The following WDR36 variants were observed in gnomAD, a reference collection of about 807,000 sequenced individuals.
The protein encoded by WDR36 is WD repeat-containing protein 36.
WDR36 carries 63 observed loss-of-function variants against 112.7 expected under a neutral mutation model. That is an observed-to-expected ratio of 0.56 (90% CI 0.46 to 0.69). The LOEUF is 0.69. Ranked by LOEUF, WDR36 falls within the 30% of genes least tolerant of loss-of-function variation. The pLI is 0.00. For missense variants in WDR36, 1,226 were observed against 1,070.3 expected (o/e 1.15, Z -2.03); for synonymous variants, 410 against 362.2 (o/e 1.13, Z -1.50).
At chr5:111,101,153 G>A (rs6865932) in intron 5 of WDR36, among the ~76,000 whole-genome samples, 1 of 151,578 alleles carries the variant, frequency 6.6e-6, no homozygotes, top group Non-Finnish European at 1.5e-5. Flanking sequence ...CCCACAGGTA[G>A]TGAGATATAA....
At chr5:111,102,223 G>T in intron 5 of WDR36, 122 bp from the exon 6 acceptor site, 1 of 739,966 alleles carries the variant, frequency 1.4e-6, no homozygotes, top group Non-Finnish European at 2.2e-6. Flanking sequence ...TCAGAATAGT[G>T]TGTGGAAGAG....
At position 111,107,019 on chromosome 5, in the gene WDR36, C is replaced by G. The variant is rs551091592; in HGVS notation, c.1181-275C>G. ...TATTGTAATTTCTTCTGATTAGAAT[C>G]TCTTGTTAGGTATGTTAATTAGCTT... On this transcript the variant is annotated intron_variant, in intron 11 of 22. Coordinates refer to ENST00000513710, the MANE Select transcript of WDR36 (RefSeq NM_139281.3). Among the ~76,000 whole-genome samples, 3 of 151,484 alleles carry G rather than the reference C, an allele frequency of 2.0e-5. No homozygotes were observed. The South Asian group carries it at 6.2e-4, about 31-fold the overall frequency.
intron 19 of WDR36, among the ~76,000 whole-genome samples, chr5:111,122,165 C>T (rs1343256437): frequency 1.3e-5 from 2 of 152,132 alleles, no homozygotes; most frequent in Non-Finnish European, 2.9e-5. Context: ...CTTCATCATG[C>T]TGTCCACACA....
chr5:111,094,206 A>G (rs990539192), intron 1 of WDR36, among the ~76,000 whole-genome samples: 4 of 152,226 alleles, frequency 2.6e-5, no homozygotes, highest in Non-Finnish European at 5.9e-5. Flanking sequence ...TGATGGTAGT[A>G]GCTATCATGT....
intron 5 of WDR36, 53 bp downstream of exon 5, chr5:111,100,774 A>G (rs878989185): frequency 1.3e-6 from 2 of 1,542,342 alleles, no homozygotes; most frequent in South Asian, 1.2e-5. Flanking sequence ...CTCATCTACT[A>G]CTTCCTAATG....
chr5:111,125,201 A>T (rs1753653618), intron 21 of WDR36, among the ~76,000 whole-genome samples: 1 of 152,190 alleles, frequency 6.6e-6, no homozygotes, highest in Non-Finnish European at 1.5e-5. Context: ...TAGAAAAGAA[A>T]AATTATTTTA....
At chr5:111,104,869 G>T in intron 9 of WDR36, 52 bp downstream of exon 9, 1 of 1,607,666 alleles carries the variant, frequency 6.2e-7, no homozygotes. Context: ...TTGAGATGTG[G>T]GTGCCCAGTA....
chr5:111,105,312 C>A lies in WDR36; in HGVS notation c.1045C>A (p.Gln349Lys). The change falls in exon 10 of 23, where the codon CAG becomes AAG. Residue 349 changes from glutamine to lysine, a missense_variant. Coordinates refer to ENST00000513710, the MANE Select transcript of WDR36 (RefSeq NM_139281.3). ...ATCAACAGGTCAAGATGGAACTCTTCAGTCATTTTCCACGGTACATGAAAA... is the reference window on the plus strand; with the variant it reads ...ATCAACAGGTCAAGATGGAACTCTTAAGTCATTTTCCACGGTACATGAAAA... ...ILSASQDGTL[Q>K]SFSTVHEKFN... 1 of 1,609,936 alleles carries A rather than the reference C, an allele frequency of 6.2e-7. No individual in the cohort carries two copies. Among genetic ancestry groups the A allele is most frequent in the Non-Finnish European group, 8.5e-7 (1 of 1,177,162 alleles).
At chr5:111,100,036 C>T (rs963902669) in intron 4 of WDR36, among the ~76,000 whole-genome samples, 2 of 151,408 alleles carry the variant, frequency 1.3e-5, no homozygotes, top group Non-Finnish European at 3.0e-5. Context: ...GGTGATGCCA[C>T]CCCCCACTCC....
chr5:111,111,095 A>G (rs1753328320), intron 14 of WDR36, 75 bp from the exon 15 acceptor site: 3 of 1,557,884 alleles, frequency 1.9e-6, no homozygotes, highest in Admixed American at 1.7e-5. Flanking sequence ...ACTTGATTTA[A>G]CAAAATTCAA....
At position 111,100,593 on chromosome 5, in the gene WDR36, A is replaced by T; in HGVS notation, c.414A>T (p.Glu138Asp). 6.4e-7 allele frequency: 1 copy of T among 1,558,352 alleles called. No homozygotes were observed. The highest frequency in any genetic ancestry group is 8.8e-7 in the Non-Finnish European group (1 of 1,142,714). ...LIIWHIYSEE[E>D]YLQLTFDKSV... ...TTATAACTTTCACTTTTGTAGAAGA[A>T]TACCTGCAGTTGACTTTTGATAAAT... Residue 138 changes from glutamate to aspartate, a missense_variant, in exon 5 of 23, where the codon GAA becomes GAT. Physicochemically the swap from Glu to Asp is conservative, Grantham distance 45. Coordinates refer to ENST00000513710, the MANE Select transcript of WDR36 (RefSeq NM_139281.3).
At chr5:111,113,266 T>C in intron 16 of WDR36, 113 bp downstream of exon 16, 1 of 559,898 alleles carries the variant, frequency 1.8e-6, no homozygotes, top group Non-Finnish European at 3.2e-6. Flanking sequence ...GTGACTATAT[T>C]TGGAGATTTT....
At chr5:111,100,299 A>C (rs530746804) in intron 4 of WDR36, among the ~76,000 whole-genome samples, 2 of 151,576 alleles carry the variant, frequency 1.3e-5, no homozygotes, top group Admixed American at 1.3e-4. Context: ...TTTTTTTTTA[A>C]CTTTATTATC....
chr5:111,111,152 G>A lies in WDR36; in HGVS notation c.1608-18G>A. On this transcript the variant is annotated intron_variant, in intron 14 of 22. Coordinates refer to ENST00000513710, the MANE Select transcript of WDR36 (RefSeq NM_139281.3). ...AAGGGTTTTTTGTTTATTAAAACTGGTGCATTTATCTTGCTAGTGGCATTC... is the reference window on the plus strand; with the variant it reads ...AAGGGTTTTTTGTTTATTAAAACTGATGCATTTATCTTGCTAGTGGCATTC... 1 of 1,607,106 alleles carries A rather than the reference G, an allele frequency of 6.2e-7. No individual in the cohort carries two copies. The highest frequency in any genetic ancestry group is 8.5e-7 in the Non-Finnish European group (1 of 1,174,094).
At chr5:111,113,945 C>A (rs116422235) in intron 16 of WDR36, among the ~76,000 whole-genome samples, 26 of 152,248 alleles carry the variant, frequency 1.7e-4, no homozygotes, top group African/African-American at 6.0e-4. Flanking sequence ...TAAAGGCACT[C>A]CCTCTCAATA....
intron 10 of WDR36, among the ~76,000 whole-genome samples, chr5:111,105,622 A>T (rs1489932680): frequency 6.6e-6 from 1 of 151,524 alleles, no homozygotes; most frequent in African/African-American, 2.4e-5. Context: ...TCATGGCCTC[A>T]CTTGAGCTAT....
intron 16 of WDR36, among the ~76,000 whole-genome samples, chr5:111,118,468 T>G (rs1753500186): frequency 6.6e-6 from 1 of 152,212 alleles, no homozygotes; most frequent in Admixed American, 6.5e-5. Context: ...ATGGTTCTTC[T>G]CTAGAGACTG....
chr5:111,098,583 C>G (rs1753043132), intron 3 of WDR36, 139 bp from the exon 4 acceptor site: 7 of 673,902 alleles, frequency 1.0e-5, no homozygotes, highest in African/African-American at 1.8e-5. Context: ...TGTGTTCATC[C>G]TAACCTTGAA....
At chr5:111,119,515 G>A (rs1753522749) in intron 17 of WDR36, among the ~76,000 whole-genome samples, 1 of 152,118 alleles carries the variant, frequency 6.6e-6, no homozygotes. Context: ...TAAGGCACAA[G>A]TATAAGCAGA....
Sources: allele counts gnomAD v4.1 joint callset (sites outside exome capture counted in the v4.1 genomes callset), GRCh38; gene constraint gnomAD v4.1.1; transcripts MANE v1.5; gene names NCBI Gene and HGNC (gene_info 2026-07-23, HGNC 2026-07-21).